Variants in LETM1 observed in about 807,000 individuals in gnomAD.
The protein encoded by LETM1 is leucine zipper and EF-hand containing transmembrane protein 1.
Under a neutral mutation model 74.5 loss-of-function variants are expected in LETM1, and 50 were observed. The observed-to-expected ratio is 0.67, with a 90% CI of 0.53 to 0.85. The LOEUF (loss-of-function observed/expected upper bound fraction) is 0.85, where lower values mean the gene tolerates loss of function less well. Ranked by LOEUF, LETM1 falls within the 40% of genes least tolerant of loss-of-function variation. LETM1 has a pLI of 0.00. For missense variants in LETM1, 824 were observed against 967.8 expected, an observed-to-expected ratio of 0.85 and a Z score of 1.97; for synonymous variants, 446 against 407.1, an observed-to-expected ratio of 1.10 and a Z score of -1.15.
chr4:1,821,459 C>G (rs1010094253), intron 10 of LETM1, among the ~76,000 whole-genome samples: 1 of 151,168 alleles, frequency 6.6e-6, no homozygotes, highest in African/African-American at 2.4e-5. Flanking sequence ...GAGGCTGAGG[C>G]GGGAAGATCA....
intron 6 of LETM1, among the ~76,000 whole-genome samples, chr4:1,829,798 C>T (rs1176481889): frequency 1.3e-5 from 2 of 152,144 alleles, no homozygotes; most frequent in Non-Finnish European, 2.9e-5. Flanking sequence ...GCACTCCAGC[C>T]TGGGCAACAG....
In LETM1 at chr4:1,832,936, T is replaced by C. The variant is rs776760287; in HGVS notation, c.888A>G (p.Thr296=). 43 of 1,611,546 alleles carry C rather than the reference T, an allele frequency of 2.7e-5. No homozygotes were observed. The highest frequency in any genetic ancestry group is 1.9e-4 in the South Asian group (17 of 90,986). ...TTTCCTCATTGCTGGGCCTCTCCCC[T>C]GTTTCCCGGATCTGCGGAAGTGGTC... ...FSVFFQKIRE[T]GERPSNEEIM... The change falls in exon 6 of 14, where the codon ACA becomes ACG. Residue 296 remains threonine, a synonymous_variant. Coordinates refer to ENST00000302787, the MANE Select transcript of LETM1 (RefSeq NM_012318.3).
At chr4:1,825,801 G>T in intron 6 of LETM1, 118 bp from the exon 7 acceptor site, 1 of 1,175,684 alleles carries the variant, frequency 8.5e-7, no homozygotes, top group East Asian at 2.6e-5. Flanking sequence ...ATCAAACCAC[G>T]GCCACCAAAG....
At chr4:1,831,335 C>A (rs767233299) in intron 6 of LETM1, among the ~76,000 whole-genome samples, 2 of 152,346 alleles carry the variant, frequency 1.3e-5, no homozygotes, top group African/African-American at 2.4e-5. Context: ...TGCGGGACAG[C>A]GGTGCTGCTT....
At chr4:1,824,374 T>C (rs771973305) in intron 7 of LETM1, among the ~76,000 whole-genome samples, 2 of 152,138 alleles carry the variant, frequency 1.3e-5, no homozygotes, top group Non-Finnish European at 2.9e-5. Flanking sequence ...GCAGAGGCAG[T>C]GTCACTGAGG....
chr4:1,830,923 A>C (rs1213085197), intron 6 of LETM1, among the ~76,000 whole-genome samples: 1 of 152,066 alleles, frequency 6.6e-6, no homozygotes, highest in Non-Finnish European at 1.5e-5. Flanking sequence ...GGGTATTCTA[A>C]TTTGCACAGA....
At chr4:1,823,891 T>C (rs1711888236) in intron 7 of LETM1, 116 bp from the exon 8 acceptor site, 1 of 1,203,320 alleles carries the variant, frequency 8.3e-7, no homozygotes, top group African/African-American at 1.5e-5. Flanking sequence ...TCTCAAGTTC[T>C]ACAAGGTCTG....
rs1308261552 is a variant in LETM1, at chr4:1,823,098, C to A, written c.1366G>T (p.Glu456Ter). Residue 456 changes from glutamate (E) to a stop codon, truncating the protein, a stop_gained, in exon 9 of 14, where the codon GAG becomes TAG. Coordinates refer to ENST00000302787, the MANE Select transcript of LETM1 (RefSeq NM_012318.3). LOFTEE classifies it high-confidence loss of function. ...GCCTTGTTGTCCACCTGCTCGCCCT[C>A]CACCTCGGCCACTTTCACCTGTGCT... ...KEAQVKVAEV[E>*]GEQVDNKAKL... is the part of the protein sequence containing the mutation. 3 of 1,607,054 alleles carry A rather than the reference C, an allele frequency of 1.9e-6. No homozygotes were observed. Among genetic ancestry groups the A allele is most frequent in the Non-Finnish European group, 8.5e-7 (1 of 1,176,072 alleles).
At chr4:1,849,626 G>A (rs536441272) in intron 1 of LETM1, among the ~76,000 whole-genome samples, 5 of 152,218 alleles carry the variant, frequency 3.3e-5, no homozygotes, top group East Asian at 1.9e-4. Context: ...GTACAGTCAC[G>A]GCTCCCTGCA....
chr4:1,832,934 C>T lies in LETM1; in HGVS notation c.890G>A (p.Gly297Glu). The T allele has an allele frequency of 1.2e-6, 2 of 1,612,224 alleles. No homozygotes were observed. The highest frequency in any genetic ancestry group is 1.7e-6 in the Non-Finnish European group (2 of 1,179,940). ...SVFFQKIRET[G>E]ERPSNEEIMR... ...GATTTCCTCATTGCTGGGCCTCTCCCCTGTTTCCCGGATCTGCGGAAGTGG... is the reference window on the plus strand; with the variant it reads ...GATTTCCTCATTGCTGGGCCTCTCCTCTGTTTCCCGGATCTGCGGAAGTGG... Residue 297 changes from glycine to glutamate, a missense_variant, in exon 6 of 14, where the codon GGG becomes GAG. Physicochemically the swap from Gly to Glu is moderately conservative, Grantham distance 98. Transcript: ENST00000302787.
chr4:1,849,573 T>C (rs1177310348), intron 1 of LETM1, among the ~76,000 whole-genome samples: 2 of 152,076 alleles, frequency 1.3e-5, no homozygotes, highest in African/African-American at 4.8e-5. Flanking sequence ...CAGCCTTTTG[T>C]TCATTTTGAT....
Position 1,836,633 on chromosome 4 carries a change from T to C in LETM1, c.595-61A>G. 1 of 1,574,290 alleles carries C rather than the reference T, an allele frequency of 6.4e-7. No individual in the cohort carries two copies. Among genetic ancestry groups the C allele is most frequent in the Non-Finnish European group, 8.7e-7 (1 of 1,148,838 alleles). ...CACATGTGGGAACAAGGGCAAGGGG[T>C]GTGAGCATTTCTCCTATAATGGTTT... On this transcript the variant is annotated intron_variant, in intron 3 of 13. Transcript: ENST00000302787. The surrounding 1 kb of genome is among the most constrained non-coding windows in gnomAD (Gnocchi z 5.8).
intron 6 of LETM1, among the ~76,000 whole-genome samples, chr4:1,829,333 G>C (rs1487750769): frequency 6.7e-6 from 1 of 149,524 alleles, no homozygotes; most frequent in Non-Finnish European, 1.5e-5. Context: ...CGGGGCGGCT[G>C]GCCAGGCGGA....
intron 7 of LETM1, 103 bp downstream of exon 7, chr4:1,825,460 CG>C: frequency 6.9e-7 from 1 of 1,442,736 alleles, no homozygotes; most frequent in Non-Finnish European, 9.4e-7. Flanking sequence ...AGTGTCGCCT[CG>C]CCAGGCCGGC....
At chr4:1,820,622 T>C (rs1466271674) in intron 10 of LETM1, among the ~76,000 whole-genome samples, 6 of 152,352 alleles carry the variant, frequency 3.9e-5, no homozygotes, top group Non-Finnish European at 7.3e-5. Context: ...GTGCAGGACA[T>C]CTGCATATCA....
At position 1,819,434 on chromosome 4, in the gene LETM1, G is replaced by A. The variant is rs772990450; in HGVS notation, c.1647C>T (p.Ser549=). 46 of 1,613,376 alleles carry A rather than the reference G, an allele frequency of 2.9e-5. No homozygotes were observed. Among genetic ancestry groups the A allele is most frequent in the South Asian group, 1.9e-4 (17 of 90,958 alleles). The change falls in exon 11 of 14, where the codon AGC becomes AGT. Residue 549 remains serine, a synonymous_variant. Coordinates refer to ENST00000302787, the MANE Select transcript of LETM1 (RefSeq NM_012318.3). ...EITKEEIDIL[S]DACSKLQEQK... is the part of the protein sequence containing the mutation. ...GCTCCTGCAGCTTAGAGCAGGCATC[G>A]CTGAGGATGTCGATTTCCTCCTTCG...
In LETM1 at chr4:1,836,458, G is replaced by A; in HGVS notation, c.709C>T (p.Pro237Ser). The A allele has an allele frequency of 1.2e-6, 2 of 1,613,994 alleles. No homozygotes were observed. Among genetic ancestry groups the A allele is most frequent in the Non-Finnish European group, 1.7e-6 (2 of 1,179,970 alleles). ...VAVKLFPNML[P>S]STFETQSLKE... Reference sequence around the variant, plus strand: ...AGTGACTGAGTCTCAAATGTGGATGGCAACATGTTGGGGAAGAGCTTCACA... The same window carrying A: ...AGTGACTGAGTCTCAAATGTGGATGACAACATGTTGGGGAAGAGCTTCACA... The change falls in exon 4 of 14, where the codon CCA (proline) becomes TCA (serine). Residue 237 changes from proline to serine, a missense_variant. Coordinates refer to ENST00000302787, the MANE Select transcript of LETM1 (RefSeq NM_012318.3). The surrounding 1 kb of genome is among the most constrained non-coding windows in gnomAD (Gnocchi z 5.8).
Position 1,836,349 on chromosome 4 carries a change from C to A in LETM1, c.738+80G>T. The A allele has an allele frequency of 6.9e-7, 1 of 1,440,580 alleles. No individual in the cohort carries two copies. The highest frequency in any genetic ancestry group is 1.2e-5 in the South Asian group (1 of 86,104). The allele number at this position is 1,440,580 out of a possible 1,614,324, so 89.2% of individuals were successfully genotyped here. ...ATAAAGTCTCAAAAATATCTAGCAC[C>A]TGAAAAGTCACAAACAAGGAAGCCA... is the stretch of plus-strand genomic sequence containing the variant. On this transcript the variant is annotated intron_variant, in intron 4 of 13. Coordinates refer to ENST00000302787, the MANE Select transcript of LETM1 (RefSeq NM_012318.3). This position sits in a 1 kb window ranked among gnomAD's most constrained non-coding sequence, Gnocchi z 5.8.
chr4:1,821,643 G>T (rs1711778328), intron 10 of LETM1, among the ~76,000 whole-genome samples: 1 of 152,180 alleles, frequency 6.6e-6, no homozygotes. Flanking sequence ...AGCCGAGATG[G>T]CGCCACTGCA....
Sources: allele counts gnomAD v4.1 joint callset (sites outside exome capture counted in the v4.1 genomes callset), GRCh38; gene constraint gnomAD v4.1.1; non-coding constraint Gnocchi (gnomAD v3.1); transcripts MANE v1.5; gene names NCBI Gene and HGNC (gene_info 2026-07-23, HGNC 2026-07-21).